The following GTF2A1L variants were observed in gnomAD, a reference collection of about 807,000 sequenced individuals.
GTF2A1L encodes TFIIA-alpha and beta-like factor.
A neutral mutation model predicts 49.7 loss-of-function variants in GTF2A1L; 48 were observed. That is an observed-to-expected ratio of 0.97 (90% CI 0.77 to 1.23). The LOEUF (loss-of-function observed/expected upper bound fraction) is 1.23, where lower values mean the gene tolerates loss of function less well. GTF2A1L is among the 50% of genes most tolerant of loss of function. GTF2A1L has a pLI of 0.00. For synonymous variants in GTF2A1L, 246 were observed against 193.5 expected (o/e 1.27, Z -2.25); for missense variants, 736 against 564.8 (o/e 1.30, Z -3.07).
chr2:48,618,344 C>G (rs773732156), intron 1 of GTF2A1L, among the ~76,000 whole-genome samples: 22 of 152,150 alleles, frequency 1.4e-4, no homozygotes, highest in African/African-American at 2.7e-4. Flanking sequence ...TTTCACTACC[C>G]GCCCATTTCG....
At chr2:48,658,220 T>A (rs915914980) in intron 6 of GTF2A1L, among the ~76,000 whole-genome samples, 21 of 152,134 alleles carry the variant, frequency 1.4e-4, no homozygotes, top group African/African-American at 5.1e-4. Flanking sequence ...TTTCTAGGAT[T>A]GTTTATAGTT....
chr2:48,663,394 C>T (rs546481640), intron 6 of GTF2A1L, among the ~76,000 whole-genome samples: 1 of 152,146 alleles, frequency 6.6e-6, no homozygotes, highest in African/African-American at 2.4e-5. Flanking sequence ...TGAGATTGGA[C>T]CACTGCATTT....
chr2:48,618,158 G>T, intron 1 of GTF2A1L: 1 of 488,864 alleles, frequency 2.0e-6, no homozygotes, highest in Non-Finnish European at 3.6e-6. Flanking sequence ...CTATCTAGTT[G>T]GGGTGTTTAG....
intron 3 of GTF2A1L, among the ~76,000 whole-genome samples, chr2:48,622,008 C>G (rs1050674215): frequency 6.6e-6 from 1 of 152,096 alleles, no homozygotes; most frequent in South Asian, 2.1e-4. Flanking sequence ...AATGTATACT[C>G]GCATACAAAC....
chr2:48,653,094 G>A (rs1294539113), intron 6 of GTF2A1L, among the ~76,000 whole-genome samples: 1 of 151,348 alleles, frequency 6.6e-6, no homozygotes, highest in Non-Finnish European at 1.5e-5. Flanking sequence ...CCTGGCGTGC[G>A]GCTGTAGTCC....
intron 6 of GTF2A1L, among the ~76,000 whole-genome samples, chr2:48,654,160 C>G (rs181132306): frequency 9.9e-5 from 15 of 152,172 alleles, no homozygotes; most frequent in Admixed American, 9.2e-4. Flanking sequence ...GTAGTTAACA[C>G]TATCTTTTGG....
At position 48,623,465 on chromosome 2, in the gene GTF2A1L, C is replaced by T. The variant is rs554367582; in HGVS notation, c.247+2175C>T. On this transcript the variant is annotated intron_variant, in intron 3 of 8. Transcript: ENST00000403751. Reference sequence around the variant, plus strand: ...CTGCAGAAAAAAGGGACCACTTATGCACTGTTGGTGGGAATGTAAATTTGT... The same window carrying T: ...CTGCAGAAAAAAGGGACCACTTATGTACTGTTGGTGGGAATGTAAATTTGT... Among the ~76,000 whole-genome samples the T allele has an allele frequency of 5.3e-5, 8 of 152,294 alleles. 1 individual carries two copies. The South Asian group carries it at 1.7e-3, about 32-fold the overall frequency.
At chr2:48,636,062 C>T (rs1160632016) in intron 3 of GTF2A1L, among the ~76,000 whole-genome samples, 2 of 152,148 alleles carry the variant, frequency 1.3e-5, no homozygotes, top group African/African-American at 4.8e-5. Context: ...GCAGGATTCT[C>T]GTCTTTGGGA....
At chr2:48,630,801 AGGGTTT>A (rs1264275978) in intron 3 of GTF2A1L, among the ~76,000 whole-genome samples, 5 of 104,562 alleles carry the variant, frequency 4.8e-5, no homozygotes, top group Non-Finnish European at 7.2e-5. Flanking sequence ...TAGTTTCTTG[AGGGTTT>A]TTCTTTTATC....
At chr2:48,653,996 G>A (rs934524863) in intron 6 of GTF2A1L, among the ~76,000 whole-genome samples, 1 of 151,394 alleles carries the variant, frequency 6.6e-6, no homozygotes, top group Non-Finnish European at 1.5e-5. Flanking sequence ...AAATACCTAG[G>A]AGTGGGATTG....
intron 3 of GTF2A1L, among the ~76,000 whole-genome samples, chr2:48,639,408 A>G (rs1677083930): frequency 6.6e-6 from 1 of 152,232 alleles, no homozygotes; most frequent in African/African-American, 2.4e-5. Context: ...ACCTGTAGCC[A>G]TCTGACCTTT....
chr2:48,647,367 A>G (rs1381096248), intron 6 of GTF2A1L, among the ~76,000 whole-genome samples: 3 of 152,118 alleles, frequency 2.0e-5, no homozygotes, highest in African/African-American at 4.8e-5. Flanking sequence ...CATGCTTAGC[A>G]TTTCTAAATT....
intron 6 of GTF2A1L, among the ~76,000 whole-genome samples, chr2:48,654,508 G>T (rs747774896): frequency 1.8e-4 from 27 of 151,774 alleles, no homozygotes; most frequent in Non-Finnish European, 1.8e-4. Context: ...TCAGTCTCCC[G>T]CGAAGCTGGG....
chr2:48,627,016 T>TA lies in GTF2A1L; in HGVS notation c.247+5729dup, dbSNP rs1676329790. 1.4e-5 allele frequency among the ~76,000 whole-genome samples: 2 copies of TA among 144,016 alleles called. 1 individual carries two copies. Among genetic ancestry groups the TA allele is most frequent in the African/African-American group, 4.9e-5 (2 of 40,498 alleles). 94.5% of individuals were successfully genotyped at this position (144,016 alleles called of 152,430 possible). A position where few individuals can be genotyped will look rare whatever the true frequency, so the allele number is the denominator to read the frequency against. On this transcript the variant is annotated intron_variant, in intron 3 of 8. Transcript: ENST00000403751. ...GCAACTTTACTGAGTTCATCCTCTTTAAATATTTGGTAGAATTCAGCCATG... is the reference window on the plus strand; with the variant it reads ...GCAACTTTACTGAGTTCATCCTCTTTAAAATATTTGGTAGAATTCAGCCATG...
intron 3 of GTF2A1L, among the ~76,000 whole-genome samples, chr2:48,636,316 A>G (rs1444644850): frequency 6.6e-6 from 1 of 152,200 alleles, no homozygotes; most frequent in African/African-American, 2.4e-5. Flanking sequence ...ATCTCGTAAA[A>G]TATTAAAAGG....
chr2:48,675,547 A>G (rs1679423417), intron 8 of GTF2A1L, among the ~76,000 whole-genome samples: 1 of 152,060 alleles, frequency 6.6e-6, no homozygotes, highest in Admixed American at 6.5e-5. Context: ...AATGGTATAG[A>G]TATTTTGTTT....
chr2:48,661,217 C>A (rs1221793149), intron 6 of GTF2A1L, among the ~76,000 whole-genome samples: 2 of 147,832 alleles, frequency 1.4e-5, no homozygotes, highest in Non-Finnish European at 3.0e-5. Flanking sequence ...TATACATGTC[C>A]CTCCCCATTG....
chr2:48,655,886 A>G (rs1039238553), intron 6 of GTF2A1L, among the ~76,000 whole-genome samples: 2 of 152,260 alleles, frequency 1.3e-5, no homozygotes, highest in Non-Finnish European at 2.9e-5. Flanking sequence ...CAACAATTCT[A>G]CTTTCCATCT....
Position 48,671,624 on chromosome 2 carries a change from C to T in GTF2A1L, c.1273C>T (p.Gln425Ter). 1 of 1,613,410 alleles carries T rather than the reference C, an allele frequency of 6.2e-7. No individual in the cohort carries two copies. The highest frequency in any genetic ancestry group is 8.5e-7 in the Non-Finnish European group (1 of 1,179,576). Residue 425 changes from glutamine (Q) to a stop codon, truncating the protein, a stop_gained, in exon 8 of 9, where the codon CAG becomes TAG. Coordinates refer to ENST00000403751, the MANE Select transcript of GTF2A1L (RefSeq NM_006872.5). LOFTEE classifies it high-confidence loss of function. ...PLNSGDDVSE[Q>*]DVPDLFDTDN... The stretch of plus-strand genomic sequence containing the variant: ...AAATTCTGGAGATGATGTTAGTGAA[C>T]AGGATGTGCCAGACCTGTTTGACAC...
Sources: gnomAD v4.1 joint callset for allele counts (sites outside exome capture counted in the v4.1 genomes callset) on GRCh38, gnomAD v4.1.1 for gene constraint, MANE v1.5 for transcripts, NCBI Gene and HGNC (gene_info 2026-07-23, HGNC 2026-07-21) for gene names.